Variants in TTLL8 observed in about 807,000 individuals in gnomAD.
TTLL8 encodes protein monoglycylase TTLL8.
A neutral mutation model predicts 77.8 loss-of-function variants in TTLL8; 65 were observed. The ratio of observed to expected loss-of-function variants is 0.84; its 90% CI spans 0.68 to 1.03. The LOEUF (loss-of-function observed/expected upper bound fraction) is 1.03, where lower values mean the gene tolerates loss of function less well. Among genes scored for constraint, TTLL8 ranks in the 50% least tolerant of loss-of-function variants. The pLI is 0.00. For missense variants in TTLL8, 910 were observed against 1,004.5 expected (o/e 0.91, Z 1.27); for synonymous variants, 402 against 422.8 (o/e 0.95, Z 0.60).
intron 10 of TTLL8, among the ~76,000 whole-genome samples, chr22:50,032,323 G>A (rs1029000737): frequency 3.9e-5 from 6 of 152,188 alleles, no homozygotes; most frequent in African/African-American, 9.7e-5. Flanking sequence ...TTGGCCAGGC[G>A]CACAGCTCAC....
intron 8 of TTLL8, among the ~76,000 whole-genome samples, chr22:50,038,984 C>T (rs982618941): frequency 3.9e-5 from 6 of 152,124 alleles, no homozygotes; most frequent in Non-Finnish European, 8.8e-5. Flanking sequence ...TTAAACCAAC[C>T]TTGCATTCTT....
intron 10 of TTLL8, 176 bp downstream of exon 11, chr22:50,033,026 G>T: frequency 1.7e-6 from 1 of 581,704 alleles, no homozygotes; most frequent in Non-Finnish European, 2.2e-6. Flanking sequence ...GCCTGGGCCT[G>T]TCCCTCGGGG....
At chr22:50,056,942 C>T (rs1190015953), upstream of TTLL8, 3 of 1,289,734 alleles carry the variant, frequency 2.3e-6, no homozygotes, top group Non-Finnish European at 3.0e-6. The surrounding 1 kb of genome is among the most constrained non-coding windows in gnomAD (Gnocchi z 4.1). Context: ...CCATACTGGC[C>T]TCCGACAGCT....
In TTLL8 at chr22:50,033,578, T is replaced by C. The variant is rs148369674; in HGVS notation, c.1040-133A>G. The C allele has an allele frequency of 3.0e-3, 2,382 of 787,358 alleles. 15 individuals carry two copies. The highest frequency in any genetic ancestry group is 0.01 in the Middle Eastern group (26 of 2,554). 48.8% of individuals were successfully genotyped at this position (787,358 alleles called of 1,614,324 possible). A position where few individuals can be genotyped will look rare whatever the true frequency, so the allele number is the denominator to read the frequency against. ...CTTTGTCCAAGGCCAGCAGGCAGCA[T>C]GGTTGGTGGGGGCGATGGGGGAGCA... On this transcript the variant is annotated intron_variant, in intron 9 of 13. Transcript: ENST00000266182.
At chr22:50,028,235 G>A (rs1476525933) in intron 12 of TTLL8, among the ~76,000 whole-genome samples, 2 of 152,342 alleles carry the variant, frequency 1.3e-5, no homozygotes, top group African/African-American at 4.8e-5. Flanking sequence ...TCTTCAGCAT[G>A]GTAATTTGGC....
chr22:50,028,743 C>T (rs1022856715), intron 12 of TTLL8, among the ~76,000 whole-genome samples: 2 of 40,340 alleles, frequency 5.0e-5, no homozygotes, highest in African/African-American at 7.5e-5. Flanking sequence ...CCCATCACAC[C>T]GTCCTAAAGA....
chr22:50,040,169 A>G (rs371844828), intron 8 of TTLL8, among the ~76,000 whole-genome samples: 1 of 151,526 alleles, frequency 6.6e-6, no homozygotes, highest in East Asian at 1.9e-4. Context: ...CATGGACCTC[A>G]TGTGTGCCAG....
intron 9 of TTLL8, among the ~76,000 whole-genome samples, 168 bp from the exon 11 acceptor site, chr22:50,033,613 T>G (rs5771309): frequency 0.4 from 61,200 of 152,136 alleles, 13,304 homozygotes; most frequent in Non-Finnish European, 0.49. Flanking sequence ...AGGGAAGGCT[T>G]AGCGCTCATG....
upstream of TTLL8, among the ~76,000 whole-genome samples, chr22:50,056,065 C>A (rs1314562803): frequency 6.6e-6 from 1 of 152,200 alleles, no homozygotes; most frequent in Non-Finnish European, 1.5e-5. This position sits in a 1 kb window ranked among gnomAD's most constrained non-coding sequence, Gnocchi z 4.1. Context: ...CACTGCTACA[C>A]TCCCACCAGC....
At chr22:50,033,314 C>T (rs772745896) in exon 10 of TTLL8, 9 of 1,365,012 alleles carry the variant, frequency 6.6e-6, no homozygotes, top group Middle Eastern at 2.1e-4. Flanking sequence ...TGTCTGATGT[C>T]GAACTTGGTG....
chr22:50,056,847 A>G (rs1392762891), upstream of TTLL8: 1 of 1,289,688 alleles, frequency 7.8e-7, no homozygotes, highest in South Asian at 1.2e-5. The surrounding 1 kb of genome is among the most constrained non-coding windows in gnomAD (Gnocchi z 4.1). Context: ...TGGCTGGCAC[A>G]CAGGCAATAC....
At chr22:50,032,301 G>A (rs906900097) in intron 10 of TTLL8, among the ~76,000 whole-genome samples, 192 bp from the exon 12 acceptor site, 8 of 152,222 alleles carry the variant, frequency 5.3e-5, no homozygotes, top group African/African-American at 1.9e-4. Context: ...AGGGCTCAGA[G>A]AGGCCATGGG....
intron 12 of TTLL8, among the ~76,000 whole-genome samples, chr22:50,029,974 C>T (rs1183221178): frequency 1.3e-5 from 2 of 152,192 alleles, no homozygotes; most frequent in Non-Finnish European, 2.9e-5. Flanking sequence ...CGATGGGGGC[C>T]GGGCGTGGTG....
chr22:50,023,800 C>G (rs1281819439), intron 12 of TTLL8, among the ~76,000 whole-genome samples: 1 of 152,174 alleles, frequency 6.6e-6, no homozygotes, highest in Non-Finnish European at 1.5e-5. Context: ...GTGGGCAGAT[C>G]ACGAGGTCAG....
At chr22:50,019,067 G>A (rs144575407) in intron 12 of TTLL8, among the ~76,000 whole-genome samples, 1 of 152,308 alleles carries the variant, frequency 6.6e-6, no homozygotes, top group African/African-American at 2.4e-5. Context: ...AAGGGAGCAC[G>A]GGACTTCACA....
chr22:50,024,688 C>T (rs1382398479), intron 12 of TTLL8, among the ~76,000 whole-genome samples: 2 of 152,260 alleles, frequency 1.3e-5, no homozygotes, highest in South Asian at 2.1e-4. Context: ...TCACTACGTC[C>T]GAAGAACAAA....
At chr22:50,048,555 A>G (rs1160179082) in intron 3 of TTLL8, among the ~76,000 whole-genome samples, 1 of 152,094 alleles carries the variant, frequency 6.6e-6, no homozygotes, top group Admixed American at 6.5e-5. Flanking sequence ...TGTCCACACC[A>G]CTGCCCACGG....
intron 12 of TTLL8, among the ~76,000 whole-genome samples, chr22:50,025,238 G>C (rs1422511165): frequency 7.1e-6 from 1 of 140,608 alleles, no homozygotes; most frequent in Non-Finnish European, 1.5e-5. Context: ...CACCTACTGT[G>C]TACCCACAGA....
rs115295105 is a variant in TTLL8 at position 50,050,347 on chromosome 22, T to C, written c.52-100A>G. On this transcript the variant is annotated intron_variant, in intron 1 of 13. Coordinates refer to ENST00000266182, the Ensembl canonical transcript of TTLL8. ...AGCTTGTTAGTGCTGGTTTCTGAGA[T>C]TTGGGGGCACCCATCACCCAATATG... 1.1e-3 allele frequency: 951 copies of C among 829,406 alleles called. 5 individuals carry two copies. The African/African-American group carries it at 0.016, about 14-fold the overall frequency. The allele number at this position is 829,406 out of a possible 1,614,324, so 51.4% of individuals were successfully genotyped here. A position where few individuals can be genotyped will look rare whatever the true frequency, so the allele number is the denominator to read the frequency against.
Sources: allele counts gnomAD v4.1 joint callset (sites outside exome capture counted in the v4.1 genomes callset), GRCh38; gene constraint gnomAD v4.1.1; non-coding constraint Gnocchi (gnomAD v3.1); transcripts MANE v1.5; gene names NCBI Gene and HGNC (gene_info 2026-07-23, HGNC 2026-07-21).